The following SEPTIN3 variants were observed in gnomAD, a reference collection of about 807,000 sequenced individuals.
SEPTIN3 encodes neuronal-specific septin-3.
SEPTIN3 carries 15 observed loss-of-function variants against 45.1 expected under a neutral mutation model. The observed-to-expected ratio is 0.33, with a 90% CI of 0.22 to 0.51. The LOEUF (loss-of-function observed/expected upper bound fraction) is 0.51, where lower values mean the gene tolerates loss of function less well. SEPTIN3 is among the 20% of genes least tolerant of loss of function. The pLI is 0.97. For synonymous variants in SEPTIN3, 148 were observed against 164.8 expected (o/e 0.90, Z 0.78); for missense variants, 289 against 457.2 (o/e 0.63, Z 3.35).
chr22:41,971,601 T>A lies in SEPTIN3; in HGVS notation c.109T>A (p.Ser37Thr), dbSNP rs2146663011. 1 of 398,964 alleles carries A rather than the reference T, an allele frequency of 2.5e-6. No individual in the cohort carries two copies. The highest frequency in any genetic ancestry group is 3.6e-5 in the East Asian group (1 of 28,052). 24.7% of individuals were successfully genotyped at this position (398,964 alleles called of 1,614,324 possible). Residue 37 changes from serine (S) to threonine (T), a missense_variant, in exon 2 of 12, where the codon TCG becomes ACG. Ser to Thr is a moderately conservative substitution (Grantham distance 58). Coordinates refer to ENST00000644076, the MANE Select transcript of SEPTIN3 (RefSeq NM_001363845.2). ...SHVLGRPIRP[S>T]RLPGGGSPLT... The stretch of plus-strand genomic sequence containing the variant: ...TGTGCTGGGGCGCCCTATCCGCCCC[T>A]CGAGACTCCCTGGAGGAGGGTCCCC...
At position 41,992,779 on chromosome 22, in the gene SEPTIN3, T is replaced by C; in HGVS notation, c.2359+16T>C. On this transcript the variant is annotated intron_variant, in intron 9 of 11. Coordinates refer to ENST00000644076, the MANE Select transcript of SEPTIN3 (RefSeq NM_001363845.2). ...ATCATCGAAGGTAATTCACTGCATC[T>C]TCTGGAAGAACTGGTTGCTGATCAG... 1.9e-6 allele frequency: 3 copies of C among 1,542,834 alleles called. No homozygotes were observed. The highest frequency in any genetic ancestry group is 2.7e-6 in the Non-Finnish European group (3 of 1,120,958).
intron 5 of SEPTIN3, 67 bp from the exon 6 acceptor site, chr22:41,987,555 A>C: frequency 1.3e-6 from 2 of 1,543,062 alleles, no homozygotes; most frequent in South Asian, 2.4e-5. Flanking sequence ...TTGCTACCAG[A>C]TCATGCCTAA....
chr22:41,975,101 C>T (rs1602409897), intron 2 of SEPTIN3, among the ~76,000 whole-genome samples: 1 of 152,100 alleles, frequency 6.6e-6, no homozygotes, highest in East Asian at 1.9e-4. Context: ...CCACCCCCAG[C>T]CCTTTAATCC....
rs2078017332 is a variant in SEPTIN3, at chr22:41,976,087, T to C, written c.1504+3091T>C. Among the ~76,000 whole-genome samples, 1 of 152,132 alleles carries C rather than the reference T, an allele frequency of 6.6e-6. No homozygotes were observed. The highest frequency in any genetic ancestry group is 2.4e-5 in the African/African-American group (1 of 41,412). ...AGACCCTCACCTCTGCTGTCCTCTCTTTGCAGAATACCTCTCCCTTTCCAT... is the reference window on the plus strand; with the variant it reads ...AGACCCTCACCTCTGCTGTCCTCTCCTTGCAGAATACCTCTCCCTTTCCAT... On this transcript the variant is annotated intron_variant, in intron 2 of 11. Transcript: ENST00000644076. The surrounding 1 kb of genome is among the most constrained non-coding windows in gnomAD (Gnocchi z 5.8).
chr22:41,996,478 CAT>C, intron 11 of SEPTIN3: 1 of 992,804 alleles, frequency 1.0e-6, no homozygotes, highest in African/African-American at 1.7e-5. Flanking sequence ...GGAAAAAAAA[CAT>C]AGACTCAAGA....
At position 41,972,141 on chromosome 22, in the gene SEPTIN3, C is replaced by T. The variant is rs1345718799; in HGVS notation, c.649C>T (p.Leu217Phe). 7.5e-6 allele frequency: 3 copies of T among 399,148 alleles called. No individual in the cohort carries two copies. Among genetic ancestry groups the T allele is most frequent in the Non-Finnish European group, 1.3e-5 (3 of 226,138 alleles). The allele number at this position is 399,148 out of a possible 1,614,324, so 24.7% of individuals were successfully genotyped here. A position where few individuals can be genotyped will look rare whatever the true frequency, so the allele number is the denominator to read the frequency against. The stretch of plus-strand genomic sequence containing the variant: ...GCCAGGCTCGTTGGGCCAGGGGCAC[C>T]TTGTCTCAGTGACTGACCACATGCC... ...AEPGSLGQGH[L>F]VSVTDHMPTR... is the part of the protein sequence containing the mutation. Residue 217 changes from leucine to phenylalanine, a missense_variant, in exon 2 of 12, where the codon CTT becomes TTT. Physicochemically the swap from Leu to Phe is conservative, Grantham distance 22. This residue lies in a region of SEPTIN3 where 200 missense variants were observed against 315.1 expected (regional missense o/e 0.63). Transcript: ENST00000644076.
At chr22:41,973,125 T>C (rs2077975985) in intron 2 of SEPTIN3, 129 bp downstream of exon 2, 1 of 396,568 alleles carries the variant, frequency 2.5e-6, no homozygotes, top group Non-Finnish European at 4.4e-6. Flanking sequence ...GTTGAATGGG[T>C]TGGGAGAAAA....
At chr22:41,987,436 C>T (rs2078227723) in intron 5 of SEPTIN3, 149 bp downstream of exon 5, 3 of 1,080,680 alleles carry the variant, frequency 2.8e-6, no homozygotes, top group Admixed American at 2.5e-5. Context: ...GGGAGCTCCA[C>T]CCCTGCTAAC....
At chr22:41,977,834 G>A (rs1177392968) in intron 2 of SEPTIN3, among the ~76,000 whole-genome samples, 1 of 152,206 alleles carries the variant, frequency 6.6e-6, no homozygotes, top group Non-Finnish European at 1.5e-5. Context: ...AAAAGGAAGT[G>A]CCAGGGTCTT....
At chr22:41,993,884 T>G (rs182193374) in intron 9 of SEPTIN3, among the ~76,000 whole-genome samples, 57 of 152,360 alleles carry the variant, frequency 3.7e-4, no homozygotes, top group African/African-American at 1.3e-3. Flanking sequence ...GGATTTGTCA[T>G]GTAGTGCATG....
rs2077974110 is a variant in SEPTIN3 at position 41,972,992 on chromosome 22, C to G, written c.1500C>G (p.Tyr500Ter). ...CCTCACTGGACCTGGCCACAGAATA[C>G]AAAGGTAAATGCAGAAACTTGGTTG... ...EPASLDLATEYKGLPETRTDA... is the reference protein window; with the variant it reads ...EPASLDLATE Residue 500 changes from tyrosine to a stop codon, truncating the protein, a stop_gained, in exon 2 of 12, where the codon TAC becomes TAG. Coordinates refer to ENST00000644076, the MANE Select transcript of SEPTIN3 (RefSeq NM_001363845.2). LOFTEE classifies it high-confidence loss of function. The G allele has an allele frequency of 2.5e-6, 1 of 398,932 alleles. No homozygotes were observed. Among genetic ancestry groups the G allele is most frequent in the African/African-American group, 2.1e-5 (1 of 48,746 alleles). 24.7% of individuals were successfully genotyped at this position (398,932 alleles called of 1,614,324 possible).
intron 11 of SEPTIN3, chr22:41,995,977 C>T (rs1043091608): frequency 2.0e-6 from 2 of 985,048 alleles, no homozygotes; most frequent in Admixed American, 6.1e-5. Context: ...TTTGACCACA[C>T]CTCCGTTTTC....
In SEPTIN3 at chr22:41,971,698, G is replaced by C. The variant is rs2077961071; in HGVS notation, c.206G>C (p.Ser69Thr). ...CAAAGCCATATCCCACAGACCTCCAGCCGGCTGGGCCTTGGAGCCAGGACC... is the reference window on the plus strand; with the variant it reads ...CAAAGCCATATCCCACAGACCTCCACCCGGCTGGGCCTTGGAGCCAGGACC... ...FPQSHIPQTS[S>T]RLGLGARTRS... The change falls in exon 2 of 12, where the codon AGC becomes ACC. Residue 69 changes from serine (S) to threonine (T), a missense_variant. Physicochemically the swap from Ser to Thr is moderately conservative, Grantham distance 58. Transcript: ENST00000644076. 2.5e-6 allele frequency: 1 copy of C among 398,906 alleles called. No homozygotes were observed. Among genetic ancestry groups the C allele is most frequent in the Admixed American group, 4.4e-5 (1 of 22,688 alleles). The allele number at this position is 398,906 out of a possible 1,614,324, so 24.7% of individuals were successfully genotyped here.
chr22:41,990,987 C>T (rs1476157810), intron 7 of SEPTIN3, among the ~76,000 whole-genome samples: 1 of 152,082 alleles, frequency 6.6e-6, no homozygotes, highest in Non-Finnish European at 1.5e-5. Flanking sequence ...TCACTGGAAC[C>T]CGGGAGGTGG....
At chr22:41,995,421 A>G in intron 11 of SEPTIN3, 1 of 985,704 alleles carries the variant, frequency 1.0e-6, no homozygotes, top group South Asian at 4.7e-5. Flanking sequence ...ACCTGTCACC[A>G]GAGCCTACTG....
chr22:41,987,398 T>C, intron 5 of SEPTIN3, 111 bp downstream of exon 5: 1 of 1,161,092 alleles, frequency 8.6e-7, no homozygotes. Flanking sequence ...TGCTCTGTAG[T>C]TCCCGACAGC....
intron 4 of SEPTIN3, 65 bp downstream of exon 4, chr22:41,986,177 G>T: frequency 1.2e-5 from 19 of 1,579,120 alleles, no homozygotes; most frequent in South Asian, 6.8e-5. Flanking sequence ...AAAGGGGAAA[G>T]AATGGGGCTT....
chr22:41,994,374 C>A lies in SEPTIN3; in HGVS notation c.2411+33C>A. On this transcript the variant is annotated intron_variant, in intron 10 of 11. Coordinates refer to ENST00000644076, the MANE Select transcript of SEPTIN3 (RefSeq NM_001363845.2). This position sits in a 1 kb window ranked among gnomAD's most constrained non-coding sequence, Gnocchi z 4.2. ...GTCTCCCCTCCAGCTGTCCAGACAG[C>A]AGGTTGAATTATTTGGGGTCAGGGT... The A allele has an allele frequency of 6.2e-7, 1 of 1,609,356 alleles. No homozygotes were observed. The highest frequency in any genetic ancestry group is 8.5e-7 in the Non-Finnish European group (1 of 1,175,970).
chr22:41,978,344 C>A (rs917568881), intron 2 of SEPTIN3, among the ~76,000 whole-genome samples: 1 of 152,206 alleles, frequency 6.6e-6, no homozygotes, highest in Non-Finnish European at 1.5e-5. Context: ...CAATAAGACA[C>A]GGCCCCGCCC....
Sources: gnomAD v4.1 joint callset for allele counts (sites outside exome capture counted in the v4.1 genomes callset) on GRCh38, gnomAD v4.1.1 for gene constraint, gnomAD v4.1.1 regional missense constraint, Gnocchi (gnomAD v3.1) non-coding constraint, MANE v1.5 for transcripts, NCBI Gene and HGNC (gene_info 2026-07-23, HGNC 2026-07-21) for gene names.